The following COBLL1 variants were observed in gnomAD, a reference collection of about 807,000 sequenced individuals.
The protein encoded by COBLL1 is cordon-bleu WH2 repeat protein like 1.
COBLL1 carries 50 observed loss-of-function variants against 94.8 expected under a neutral mutation model. The ratio of observed to expected loss-of-function variants is 0.53; its 90% CI spans 0.42 to 0.67. COBLL1 has a LOEUF of 0.67. Ranked by LOEUF, COBLL1 falls within the 30% of genes least tolerant of loss-of-function variation. The pLI, the probability that COBLL1 is intolerant of heterozygous loss-of-function variation, is 0.00. For synonymous variants in COBLL1, 448 were observed against 473.8 expected, an observed-to-expected ratio of 0.95 and a Z score of 0.71; for missense variants, 1,362 against 1,348.7, an observed-to-expected ratio of 1.01 and a Z score of -0.15.
intron 9 of COBLL1, chr2:164,703,707 G>A (rs1475537975): frequency 2.9e-6 from 1 of 341,886 alleles, no homozygotes; most frequent in African/African-American, 2.3e-5. Flanking sequence ...AATCAGGCGA[G>A]TCATATTAAG....
At chr2:164,802,280 A>G (rs560369151) in intron 2 of COBLL1, among the ~76,000 whole-genome samples, 1 of 152,356 alleles carries the variant, frequency 6.6e-6, no homozygotes, top group South Asian at 2.1e-4. Flanking sequence ...TATCTGGCAC[A>G]TGGTAAGCAT....
intron 2 of COBLL1, among the ~76,000 whole-genome samples, chr2:164,805,446 T>C (rs1158617924): frequency 6.7e-6 from 1 of 148,512 alleles, no homozygotes; most frequent in Non-Finnish European, 1.5e-5. Context: ...CTTATTACTA[T>C]ATCATACATC....
chr2:164,774,063 C>G (rs961246534), intron 2 of COBLL1, among the ~76,000 whole-genome samples: 1 of 152,078 alleles, frequency 6.6e-6, no homozygotes, highest in East Asian at 1.9e-4. Flanking sequence ...TCAACATATA[C>G]AAAATCTTTA....
At chr2:164,760,521 A>G (rs574714606) in intron 2 of COBLL1, among the ~76,000 whole-genome samples, 3 of 152,210 alleles carry the variant, frequency 2.0e-5, no homozygotes, top group African/African-American at 7.2e-5. Flanking sequence ...TATAAACCTA[A>G]ATCAACAAAC....
chr2:164,720,879 T>C (rs3820985), intron 7 of COBLL1, among the ~76,000 whole-genome samples: 3,790 of 152,304 alleles, frequency 0.025, 65 homozygotes, highest in East Asian at 0.05. Flanking sequence ...TGTGACTCTA[T>C]AACTTGACAA....
At chr2:164,787,012 G>A (rs930862063) in intron 2 of COBLL1, among the ~76,000 whole-genome samples, 1 of 152,098 alleles carries the variant, frequency 6.6e-6, no homozygotes, top group Non-Finnish European at 1.5e-5. Context: ...TATGACTGTA[G>A]TTCATTAACA....
intron 8 of COBLL1, 92 bp from the exon 9 acceptor site, chr2:164,704,610 A>C: frequency 9.1e-7 from 1 of 1,096,250 alleles, no homozygotes; most frequent in South Asian, 1.3e-5. Context: ...TTCAGAAAGC[A>C]GTAAGCCTTG....
rs760973568 is a variant in COBLL1, at chr2:164,694,798, C to T, written c.2594G>A (p.Ser865Asn). Reference protein sequence around the residue: ...SRASNAQAKPSSFFLQMQKRV... With the variant: ...SRASNAQAKPNSFFLQMQKRV... ...CTTCTGCATCTGCAAAAAAAAAGAG[C>T]TGGGTTTGGCCTGGGCATTTGAAGC... The change falls in exon 12 of 14, where the codon AGC becomes AAC. Residue 865 changes from serine to asparagine, a missense_variant. Ser to Asn is a conservative substitution (Grantham distance 46, BLOSUM62 1). Transcript: ENST00000652658. 5.6e-6 allele frequency: 9 copies of T among 1,613,552 alleles called. 1 individual carries two copies. In the East Asian group the frequency reaches 2.0e-4, roughly 36 times the overall value.
intron 1 of COBLL1, chr2:164,665,992 A>G (rs960872639): frequency 3.9e-5 from 6 of 152,212 alleles, no homozygotes; most frequent in African/African-American, 1.4e-4. Context: ...AATAGCTAGA[A>G]TAATATTGAA....
intron 13 of COBLL1, 79 bp from the exon 14 acceptor site, chr2:164,686,111 A>G: frequency 1.6e-6 from 1 of 623,126 alleles, no homozygotes; most frequent in South Asian, 2.4e-5. Context: ...AACAGTTACC[A>G]CATTTTAACT....
intron 13 of COBLL1, among the ~76,000 whole-genome samples, chr2:164,691,328 C>T (rs1292510061): frequency 2.0e-5 from 3 of 152,150 alleles, no homozygotes; most frequent in Non-Finnish European, 4.4e-5. Flanking sequence ...CTGTTGAGCT[C>T]AATGTTTTGC....
At chr2:164,829,147 G>T (rs1036679279) in intron 2 of COBLL1, among the ~76,000 whole-genome samples, 1 of 152,142 alleles carries the variant, frequency 6.6e-6, no homozygotes, top group African/African-American at 2.4e-5. Flanking sequence ...TTTAATTTTG[G>T]ATGAAATATT....
At chr2:164,700,046 GCTGT>G (rs1485352123) in intron 10 of COBLL1, among the ~76,000 whole-genome samples, 1 of 151,994 alleles carries the variant, frequency 6.6e-6, no homozygotes, top group Non-Finnish European at 1.5e-5. Flanking sequence ...CTAGACTATA[GCTGT>G]CTGTTTCTAG....
chr2:164,693,748 A>G (rs1271758296), intron 12 of COBLL1, among the ~76,000 whole-genome samples: 2 of 152,168 alleles, frequency 1.3e-5, no homozygotes, highest in Non-Finnish European at 2.9e-5. Context: ...TCTGCTTTCA[A>G]TGTATTTATA....
chr2:164,695,395 T>C lies in COBLL1; in HGVS notation c.1997A>G (p.His666Arg). The C allele has an allele frequency of 6.2e-7, 1 of 1,613,990 alleles. No individual in the cohort carries two copies. Among genetic ancestry groups the C allele is most frequent in the Non-Finnish European group, 8.5e-7 (1 of 1,179,944 alleles). The change falls in exon 12 of 14, where the codon CAT becomes CGT. Residue 666 changes from histidine to arginine, a missense_variant. Coordinates refer to ENST00000652658, the MANE Select transcript of COBLL1 (RefSeq NM_001365672.2). ...EFRSQGTLII[H>R]SEDPLTVKDP... ...TTTTACGGTAAGCGGATCTTCTGAATGTATAATTAGGGTGCCTTGACTCCT... is the reference window on the plus strand; with the variant it reads ...TTTTACGGTAAGCGGATCTTCTGAACGTATAATTAGGGTGCCTTGACTCCT...
chr2:164,818,013 T>C (rs1034832290), intron 2 of COBLL1, among the ~76,000 whole-genome samples: 8 of 152,030 alleles, frequency 5.3e-5, no homozygotes, highest in Admixed American at 2.0e-4. Context: ...ATTTACTTTT[T>C]CATATTAATC....
At chr2:164,779,772 C>A (rs1162965422) in intron 2 of COBLL1, 2 of 470,518 alleles carry the variant, frequency 4.3e-6, no homozygotes, top group Admixed American at 4.7e-5. Context: ...CAGCCTCTGT[C>A]CCAATAACTG....
chr2:164,805,350 T>TAAATATATATACATATATATAA (rs1438438657), intron 2 of COBLL1, among the ~76,000 whole-genome samples: 12 of 112,940 alleles, frequency 1.1e-4, no homozygotes, highest in East Asian at 2.2e-4. Flanking sequence ...TATATATATA[T>TAAATATATATACATATATATAA]ATATATATAT....
At chr2:164,837,448 T>G (rs1378828133) in intron 2 of COBLL1, 3 of 465,852 alleles carry the variant, frequency 6.4e-6, no homozygotes, top group South Asian at 3.2e-5. Flanking sequence ...CGCTCTCTTC[T>G]CCAATGCAGC....
Sources: gnomAD v4.1 joint callset for allele counts (sites outside exome capture counted in the v4.1 genomes callset) on GRCh38, gnomAD v4.1.1 for gene constraint, MANE v1.5 for transcripts, NCBI Gene and HGNC (gene_info 2026-07-23, HGNC 2026-07-21) for gene names.